GALNT13: variants seen among roughly 807,000 people sequenced by gnomAD.
GALNT13 encodes the protein polypeptide N-acetylgalactosaminyltransferase 13, also known as UDP-GalNAc:polypeptide N-acetylgalactosaminyltransferase 13.
A neutral mutation model predicts 64.2 loss-of-function variants in GALNT13; 28 were observed. The ratio of observed to expected loss-of-function variants is 0.44; its 90% CI spans 0.32 to 0.60. The LOEUF (loss-of-function observed/expected upper bound fraction) is 0.60. GALNT13 is among the 20% of genes least tolerant of loss of function. GALNT13 has a pLI of 0.05. For missense variants in GALNT13, 577 were observed against 669.8 expected (o/e 0.86, Z 1.53); for synonymous variants, 214 against 224.6 (o/e 0.95, Z 0.42).
chr2:154,252,577 C>T (rs968561719), intron 7 of GALNT13, among the ~76,000 whole-genome samples: 2 of 151,794 alleles, frequency 1.3e-5, no homozygotes, highest in Non-Finnish European at 2.9e-5. Context: ...AGGATGGTCT[C>T]GTTCTCCTGA....
At chr2:153,832,350 A>T in the GALNT13 span, among the ~76,000 whole-genome samples, 1 of 152,164 alleles carries the variant, frequency 6.6e-6, no homozygotes, top group Non-Finnish European at 1.5e-5. Context: ...ATAGAATTTC[A>T]TTATTTTAGT....
chr2:153,723,156 A>G, the GALNT13 span, among the ~76,000 whole-genome samples: 1 of 133,692 alleles, frequency 7.5e-6, no homozygotes, highest in Non-Finnish European at 1.6e-5. Context: ...AATATACGCA[A>G]ATCAATAAAT....
chr2:153,260,325 T>G, the GALNT13 span, among the ~76,000 whole-genome samples: 4 of 152,232 alleles, frequency 2.6e-5, no homozygotes, highest in Non-Finnish European at 4.4e-5. Flanking sequence ...TTATTGCTCA[T>G]TAATATCCCT....
chr2:154,047,101 T>G (rs2105338697), intron 3 of GALNT13, among the ~76,000 whole-genome samples: 1 of 152,308 alleles, frequency 6.6e-6, no homozygotes, highest in South Asian at 2.1e-4. Context: ...CCTAACTTGC[T>G]TTTACACTTG....
At chr2:153,674,370 C>T in the GALNT13 span, among the ~76,000 whole-genome samples, 9 of 152,064 alleles carry the variant, frequency 5.9e-5, no homozygotes, top group Non-Finnish European at 1.2e-4. Flanking sequence ...ACCAATGGAA[C>T]AGAACAGAGG....
chr2:153,757,482 T>C, the GALNT13 span, among the ~76,000 whole-genome samples: 1 of 152,182 alleles, frequency 6.6e-6, no homozygotes, highest in Non-Finnish European at 1.5e-5. Context: ...GAAGTGCAGG[T>C]ATCTCCTTGA....
chr2:153,608,529 T>C, the GALNT13 span, among the ~76,000 whole-genome samples: 1 of 151,758 alleles, frequency 6.6e-6, no homozygotes, highest in Non-Finnish European at 1.5e-5. Context: ...AATATTGCTT[T>C]ATGCTGTAAC....
At chr2:153,532,971 C>A in the GALNT13 span, among the ~76,000 whole-genome samples, 1 of 152,138 alleles carries the variant, frequency 6.6e-6, no homozygotes, top group Non-Finnish European at 1.5e-5. Flanking sequence ...TCTCCATGAG[C>A]TAATTATTAG....
At chr2:154,154,175 CA>C (rs1684257894) in intron 4 of GALNT13, among the ~76,000 whole-genome samples, 1 of 152,054 alleles carries the variant, frequency 6.6e-6, no homozygotes, top group African/African-American at 2.4e-5. Context: ...TAAACCTCAG[CA>C]AAAATTAGAG....
the GALNT13 span, among the ~76,000 whole-genome samples, chr2:153,523,395 A>G: frequency 6.6e-6 from 1 of 152,202 alleles, no homozygotes; most frequent in African/African-American, 2.4e-5. Context: ...CATTGAATCT[A>G]TGGACCAAGT....
chr2:153,101,412 A>G, the GALNT13 span, among the ~76,000 whole-genome samples: 3 of 152,164 alleles, frequency 2.0e-5, no homozygotes, highest in Admixed American at 6.5e-5. Context: ...TTCAAGGTTG[A>G]CCAACTCCAG....
the GALNT13 span, among the ~76,000 whole-genome samples, chr2:153,331,228 G>GTT: frequency 1.2e-3 from 178 of 147,468 alleles, no homozygotes; most frequent in East Asian, 0.013. Flanking sequence ...ATTGGCCTAT[G>GTT]TTTTTTTTTT....
chr2:153,638,427 C>A, the GALNT13 span, among the ~76,000 whole-genome samples: 1 of 86,392 alleles, frequency 1.2e-5, no homozygotes. Flanking sequence ...CCTGGACACC[C>A]GGGATAGTAA....
chr2:153,152,873 G>A, the GALNT13 span, among the ~76,000 whole-genome samples: 17 of 152,200 alleles, frequency 1.1e-4, no homozygotes, highest in African/African-American at 2.6e-4. Flanking sequence ...GAACATACAC[G>A]TGCATGTGTC....
downstream of GALNT13, among the ~76,000 whole-genome samples, chr2:154,455,135 C>T (rs1193382951): frequency 6.6e-6 from 1 of 152,144 alleles, no homozygotes; most frequent in African/African-American, 2.4e-5. Flanking sequence ...AAAATAACTA[C>T]ACTAAAACAG....
chr2:153,662,074 G>C, the GALNT13 span, among the ~76,000 whole-genome samples: 138 of 152,140 alleles, frequency 9.1e-4, no homozygotes, highest in Non-Finnish European at 1.8e-3. Flanking sequence ...AAACTGCTAG[G>C]AATGTTGACG....
chr2:153,557,790 C>G, the GALNT13 span, among the ~76,000 whole-genome samples: 1 of 152,154 alleles, frequency 6.6e-6, no homozygotes, highest in Non-Finnish European at 1.5e-5. Flanking sequence ...CATCCTCAAA[C>G]TTCATCTAAC....
chr2:153,419,457 G>T, the GALNT13 span, among the ~76,000 whole-genome samples: 1 of 152,104 alleles, frequency 6.6e-6, no homozygotes, highest in South Asian at 2.1e-4. Flanking sequence ...TATATCCTCC[G>T]TGATTCCACT....
chr2:153,156,789 G>A, the GALNT13 span, among the ~76,000 whole-genome samples: 3 of 152,146 alleles, frequency 2.0e-5, no homozygotes, highest in African/African-American at 7.2e-5. Flanking sequence ...GCAGAATGAG[G>A]ATTTAAAGAG....
Sources: gnomAD v4.1 joint callset for allele counts (sites outside exome capture counted in the v4.1 genomes callset) on GRCh38, gnomAD v4.1.1 for gene constraint, MANE v1.5 for transcripts, NCBI Gene and HGNC (gene_info 2026-07-23, HGNC 2026-07-21) for gene names.